Variants in KCNQ3 observed in about 807,000 individuals in gnomAD.
KCNQ3 encodes the protein potassium voltage-gated channel subfamily KQT member 3.
A neutral mutation model predicts 92.5 loss-of-function variants in KCNQ3; 30 were observed. The ratio of observed to expected loss-of-function variants is 0.32; its 90% CI spans 0.24 to 0.44. The LOEUF is 0.44. Ranked by LOEUF, KCNQ3 falls within the 20% of genes least tolerant of loss-of-function variation. The pLI is 1.00. For missense variants in KCNQ3, 913 were observed against 1,140.3 expected, an observed-to-expected ratio of 0.80 and a Z score of 2.87; for synonymous variants, 450 against 468.8, an observed-to-expected ratio of 0.96 and a Z score of 0.52.
intron 8 of KCNQ3, among the ~76,000 whole-genome samples, chr8:132,167,304 A>G (rs1291825126): frequency 2.6e-5 from 4 of 152,218 alleles, no homozygotes; most frequent in Non-Finnish European, 5.9e-5. Context: ...GCTCACTGGG[A>G]CAGAATTTCT....
At position 132,453,689 on chromosome 8, in the gene KCNQ3, A is replaced by G. The variant is rs531164562; in HGVS notation, c.386+26458T>C. On this transcript the variant is annotated intron_variant, in intron 1 of 14. Transcript: ENST00000388996. ...CTCATTGATCTGTTTTTTTTTTATC[A>G]TCTCTGAGCACAAACATTGACCGAC... 1.6e-4 allele frequency among the ~76,000 whole-genome samples: 25 copies of G among 151,618 alleles called. No individual in the cohort carries two copies. In the East Asian group the frequency reaches 4.7e-3, roughly 28 times the overall value.
chr8:132,330,685 G>A (rs1818203215), intron 1 of KCNQ3, among the ~76,000 whole-genome samples: 2 of 152,220 alleles, frequency 1.3e-5, no homozygotes, highest in Non-Finnish European at 2.9e-5. Flanking sequence ...GTAAGTGAGA[G>A]TTCCCTAGTC....
chr8:132,411,787 A>AT, intron 1 of KCNQ3, among the ~76,000 whole-genome samples: 1 of 152,246 alleles, frequency 6.6e-6, no homozygotes, highest in Middle Eastern at 3.4e-3. Context: ...GGGACTTTTC[A>AT]TTCTCTAAGC....
At chr8:132,198,316 A>C (rs1827363149) in intron 1 of KCNQ3, among the ~76,000 whole-genome samples, 1 of 152,204 alleles carries the variant, frequency 6.6e-6, no homozygotes, top group Admixed American at 6.5e-5. Flanking sequence ...AGACCTAGGT[A>C]AGCTATGATT....
intron 1 of KCNQ3, among the ~76,000 whole-genome samples, chr8:132,298,252 A>G (rs939982225): frequency 5.9e-5 from 9 of 152,208 alleles, no homozygotes; most frequent in Admixed American, 2.0e-4. Context: ...CTCCCTCTGC[A>G]TTCATGGGGT....
chr8:132,268,050 A>G (rs1185361570), intron 1 of KCNQ3, among the ~76,000 whole-genome samples: 1 of 152,178 alleles, frequency 6.6e-6, no homozygotes, highest in Non-Finnish European at 1.5e-5. Context: ...CATCCAGAGT[A>G]GATATATTGA....
At chr8:132,216,612 C>A (rs1814037924) in intron 1 of KCNQ3, among the ~76,000 whole-genome samples, 1 of 152,100 alleles carries the variant, frequency 6.6e-6, no homozygotes, top group African/African-American at 2.4e-5. Context: ...TTGCATAGAC[C>A]CCAGCCTAGG....
intron 1 of KCNQ3, among the ~76,000 whole-genome samples, chr8:132,354,399 A>G (rs973691999): frequency 1.3e-5 from 2 of 152,226 alleles, no homozygotes; most frequent in South Asian, 2.1e-4. Flanking sequence ...ATCCCTGCAG[A>G]TCACCTGTAA....
In KCNQ3 at chr8:132,284,827, G is replaced by A. The variant is rs904527891; in HGVS notation, c.387-98646C>T. 3.9e-5 allele frequency among the ~76,000 whole-genome samples: 6 copies of A among 152,200 alleles called. 1 individual carries two copies. Among genetic ancestry groups the A allele is most frequent in the Admixed American group, 2.0e-4 (3 of 15,282 alleles). ...GACTAGGTCATTAACATGGATTAAT[G>A]TCTTTCTCATAAGACTAAATTAGTT... On this transcript the variant is annotated intron_variant, in intron 1 of 14. Transcript: ENST00000388996.
intron 4 of KCNQ3, 57 bp downstream of exon 4, chr8:132,180,100 A>T: frequency 6.3e-7 from 1 of 1,579,050 alleles, no homozygotes; most frequent in Non-Finnish European, 8.7e-7. Flanking sequence ...GATGTCATGG[A>T]AGGGCATAGG....
chr8:132,383,354 T>C (rs1819802487), intron 1 of KCNQ3, among the ~76,000 whole-genome samples: 1 of 152,074 alleles, frequency 6.6e-6, no homozygotes, highest in Non-Finnish European at 1.5e-5. Context: ...AGGATCGCCA[T>C]GGTGACAGGG....
chr8:132,336,609 C>T (rs1394781367), intron 1 of KCNQ3, among the ~76,000 whole-genome samples: 2 of 152,186 alleles, frequency 1.3e-5, no homozygotes, highest in African/African-American at 2.4e-5. Flanking sequence ...CTAAACATTG[C>T]ACCAACCACC....
chr8:132,469,632 T>C (rs1822253435), intron 1 of KCNQ3, among the ~76,000 whole-genome samples: 1 of 151,916 alleles, frequency 6.6e-6, no homozygotes, highest in African/African-American at 2.4e-5. Context: ...TCCCGCTTGT[T>C]AAAAGATGAA....
At chr8:132,373,806 C>A (rs947623015) in intron 1 of KCNQ3, among the ~76,000 whole-genome samples, 2 of 152,146 alleles carry the variant, frequency 1.3e-5, no homozygotes, top group Admixed American at 1.3e-4. Flanking sequence ...GAAGATGAGT[C>A]CTCCCTGCCC....
intron 1 of KCNQ3, chr8:132,187,164 G>T (rs58417923): frequency 0.053 from 24,224 of 455,906 alleles, 931 homozygotes; most frequent in African/African-American, 0.13. Context: ...CCTACTCCAG[G>T]TACTCTGGTT....
intron 8 of KCNQ3, among the ~76,000 whole-genome samples, chr8:132,168,869 T>C (rs1399723669): frequency 6.6e-6 from 1 of 150,768 alleles, no homozygotes; most frequent in African/African-American, 2.4e-5. Context: ...GTAGACACAA[T>C]GACAGAAACT....
At chr8:132,300,799 T>C (rs1422280537) in intron 1 of KCNQ3, among the ~76,000 whole-genome samples, 2 of 152,158 alleles carry the variant, frequency 1.3e-5, no homozygotes, top group East Asian at 3.9e-4. Context: ...AGGTTAATTC[T>C]TTTCCATGAC....
chr8:132,448,210 G>A (rs748074909), intron 1 of KCNQ3, among the ~76,000 whole-genome samples: 1 of 152,092 alleles, frequency 6.6e-6, no homozygotes, highest in Non-Finnish European at 1.5e-5. Flanking sequence ...GGGGAATAAG[G>A]GTTCTGCAGT....
At chr8:132,346,740 A>G (rs1818699675) in intron 1 of KCNQ3, among the ~76,000 whole-genome samples, 1 of 152,200 alleles carries the variant, frequency 6.6e-6, no homozygotes, top group Non-Finnish European at 1.5e-5. Context: ...GTCTCCTACC[A>G]GACTTGTTTA....
Sources: allele counts gnomAD v4.1 joint callset (sites outside exome capture counted in the v4.1 genomes callset), GRCh38; gene constraint gnomAD v4.1.1; transcripts MANE v1.5; gene names NCBI Gene and HGNC (gene_info 2026-07-23, HGNC 2026-07-21).